Variants in ADAR observed in about 807,000 individuals in gnomAD.
The protein encoded by ADAR is adenosine deaminase RNA specific.
A neutral mutation model predicts 113.2 loss-of-function variants in ADAR; 41 were observed. That is an observed-to-expected ratio of 0.36 (90% confidence interval 0.28 to 0.47). The LOEUF (loss-of-function observed/expected upper bound fraction) is 0.47. ADAR is among the 20% of genes least tolerant of loss of function. The pLI is 1.00. For missense variants in ADAR, 1,242 were observed against 1,540.9 expected, an observed-to-expected ratio of 0.81 and a Z score of 3.25; for synonymous variants, 605 against 572.6, an observed-to-expected ratio of 1.06 and a Z score of -0.81.
chr1:154,602,009 T>C lies in ADAR; in HGVS notation c.633A>G (p.Val211=), dbSNP rs1697913653. 2 of 1,614,246 alleles carry C rather than the reference T, an allele frequency of 1.2e-6. No individual in the cohort carries two copies. The highest frequency in any genetic ancestry group is 1.7e-6 in the Non-Finnish European group (2 of 1,180,040). Residue 211 remains valine (V), a synonymous_variant, in exon 2 of 15, where the codon GTA becomes GTG. Transcript: ENST00000368474. The part of the protein sequence containing the change: ...TQAWNQHSGV[V]RPDGHSQGAP... ...CTCCTTGGCTATGACCGTCTGGTCT[T>C]ACCACTCCGCTGTGCTGGTTCCAAG...
chr1:154,614,028 G>C (rs1036740054), intron 1 of ADAR, among the ~76,000 whole-genome samples: 9 of 151,948 alleles, frequency 5.9e-5, no homozygotes, highest in African/African-American at 1.9e-4. Flanking sequence ...AAAAAAAGTG[G>C]TATTTATCAA....
rs1434124575 is a variant in ADAR at position 154,602,592 on chromosome 1, A to C, written c.50T>G (p.Phe17Cys). Residue 17 changes from phenylalanine (F) to cysteine (C), a missense_variant, in exon 2 of 15, where the codon TTT becomes TGT. Phe to Cys is a radical substitution (Grantham distance 205). Around this residue, in one of 2 missense-constraint regions of ADAR, gnomAD observed 462 missense variants for 483.1 expected, o/e 0.96. Transcript: ENST00000368474. ...YSLSGYYTHP[F>C]QGYEHRQLRY... ...GAGCTGTCTGTGCTCATAGCCTTGA[A>C]ATGGATGGGTGTAGTATCCGCTGAG... 1 of 1,614,178 alleles carries C rather than the reference A, an allele frequency of 6.2e-7. No homozygotes were observed.
chr1:154,590,331 T>C lies in ADAR; in HGVS notation c.2349A>G (p.Glu783=), dbSNP rs77988942. The change falls in exon 7 of 15, where the codon GAA becomes GAG. Residue 783 remains glutamate, a synonymous_variant. Coordinates refer to ENST00000368474, the MANE Select transcript of ADAR (RefSeq NM_001111.5). ...AGACACGGAGAGCCGCATCTGCTGCTTCCTGCTTGCCTTGCTTCTTGCTGT... is the reference window on the plus strand; with the variant it reads ...AGACACGGAGAGCCGCATCTGCTGCCTCCTGCTTGCCTTGCTTCTTGCTGT... ...CAHSKKQGKQ[E]AADAALRVLI... 6.1e-5 allele frequency: 98 copies of C among 1,614,130 alleles called. No homozygotes were observed. In the African/African-American group the frequency reaches 1.2e-3, roughly 20 times the overall value.
chr1:154,614,976 T>C (rs753892361), intron 1 of ADAR, among the ~76,000 whole-genome samples: 15 of 152,192 alleles, frequency 9.9e-5, no homozygotes, highest in Non-Finnish European at 1.5e-4. Context: ...GAAAAGGCCA[T>C]GTGAAGACAG....
At chr1:154,591,692 C>T (rs1697157519) in intron 6 of ADAR, among the ~76,000 whole-genome samples, 1 of 152,252 alleles carries the variant, frequency 6.6e-6, no homozygotes, top group South Asian at 2.1e-4. Context: ...GCTTTGGATA[C>T]TCTAACTGCA....
rs1698327018 is a variant in ADAR, at chr1:154,608,147, T to C, written c.-141A>G. 1 of 1,087,554 alleles carries C rather than the reference T, an allele frequency of 9.2e-7. No individual in the cohort carries two copies. Among genetic ancestry groups the C allele is most frequent in the Non-Finnish European group, 1.2e-6 (1 of 800,268 alleles). 67.4% of individuals were successfully genotyped at this position (1,087,554 alleles called of 1,614,324 possible). ...GCCCCGGGGCGTCGGCACGGGAAAC[T>C]CCGCGGGTCTGCGCGCCGGGCCCAA... On this transcript the variant is annotated 5_prime_UTR_variant, in exon 1 of 15. Transcript: ENST00000368474.
chr1:154,584,811 C>T lies in ADAR; in HGVS notation c.3676G>A (p.Val1226Ile). ...CCATCTGTCACTGGAGCATACTATA[C>T]TGGGCAGAGATAAAAGTTCTTTTCC... The part of the protein sequence containing the change: ...QEEKNFYLCP[V>I] Residue 1226 changes from valine (V) to isoleucine (I), a missense_variant, in exon 15 of 15, where the codon GTA becomes ATA. Transcript: ENST00000368474. The T allele has an allele frequency of 6.2e-7, 1 of 1,612,840 alleles. No individual in the cohort carries two copies. The highest frequency in any genetic ancestry group is 1.3e-5 in the African/African-American group (1 of 75,018).
intron 1 of ADAR, chr1:154,605,900 T>A (rs1698162845): frequency 1.2e-6 from 1 of 814,642 alleles, no homozygotes; most frequent in African/African-American, 1.9e-5. Flanking sequence ...AAAAGCTAAA[T>A]GTTTTTTAAA....
intron 4 of ADAR, among the ~76,000 whole-genome samples, 159 bp downstream of exon 4, chr1:154,597,669 T>C (rs1697590284): frequency 6.6e-6 from 1 of 152,194 alleles, no homozygotes; most frequent in Admixed American, 6.5e-5. Context: ...CCTAATTGTC[T>C]GCCTCACAAG....
intron 10 of ADAR, 31 bp from the exon 11 acceptor site, chr1:154,588,289 C>A: frequency 6.2e-7 from 1 of 1,610,480 alleles, no homozygotes. Flanking sequence ...TTAAAACTCA[C>A]CTGTGGGAAA....
At chr1:154,607,562 G>A (rs1318585854) in intron 1 of ADAR, among the ~76,000 whole-genome samples, 1 of 152,170 alleles carries the variant, frequency 6.6e-6, no homozygotes, top group African/African-American at 2.4e-5. Context: ...CTAGCAGAAA[G>A]GGAGACGATG....
intron 1 of ADAR, among the ~76,000 whole-genome samples, chr1:154,618,789 A>C (rs748671716): frequency 1.3e-5 from 2 of 152,198 alleles, no homozygotes; most frequent in Non-Finnish European, 2.9e-5. Context: ...GTATTGACAG[A>C]CTAAGTGTAA....
Position 154,608,078 on chromosome 1 carries a change from G to A in ADAR, c.-72C>T. ...CTGGCCCGACCGCTGGGCCGCGCCAGCCCCTCGAGGCCCCCACGCCTCCGC... is the reference window on the plus strand; with the variant it reads ...CTGGCCCGACCGCTGGGCCGCGCCAACCCCTCGAGGCCCCCACGCCTCCGC... On this transcript the variant is annotated 5_prime_UTR_variant, in exon 1 of 15. Transcript: ENST00000368474. 1 of 1,480,092 alleles carries A rather than the reference G, an allele frequency of 6.8e-7. No individual in the cohort carries two copies. Among genetic ancestry groups the A allele is most frequent in the South Asian group, 1.4e-5 (1 of 73,128 alleles). The allele number at this position is 1,480,092 out of a possible 1,614,324, so 91.7% of individuals were successfully genotyped here. A position where few individuals can be genotyped will look rare whatever the true frequency, so the allele number is the denominator to read the frequency against.
chr1:154,592,172 T>G (rs901369364), intron 6 of ADAR, among the ~76,000 whole-genome samples: 1 of 152,212 alleles, frequency 6.6e-6, no homozygotes, highest in African/African-American at 2.4e-5. Context: ...AGCTCTGCGC[T>G]TCTCCCACCA....
chr1:154,608,049 G>C lies in ADAR; in HGVS notation c.-43C>G, dbSNP rs1698320224. On this transcript the variant is annotated 5_prime_UTR_variant, in exon 1 of 15. Coordinates refer to ENST00000368474, the MANE Select transcript of ADAR (RefSeq NM_001111.5). ...GCCCGGCCCGACCCGCCGGCGGCAC[G>C]ACCCTGGCCCGACCGCTGGGCCGCG... is the stretch of plus-strand genomic sequence containing the variant. 4.5e-6 allele frequency: 7 copies of C among 1,554,624 alleles called. No individual in the cohort carries two copies. Among genetic ancestry groups the C allele is most frequent in the Non-Finnish European group, 6.1e-6 (7 of 1,149,650 alleles).
chr1:154,618,471 T>C (rs1000956098), intron 1 of ADAR, among the ~76,000 whole-genome samples: 3 of 152,228 alleles, frequency 2.0e-5, no homozygotes, highest in Admixed American at 2.0e-4. Context: ...GGTCATTGGA[T>C]GGGAATAAAT....
chr1:154,598,634 T>C (rs1557882287), intron 2 of ADAR, 49 bp from the exon 3 acceptor site: 3 of 1,588,336 alleles, frequency 1.9e-6, no homozygotes, highest in Middle Eastern at 3.3e-4. Context: ...GGTCACTCCT[T>C]CTGCCTTCTC....
upstream of ADAR, among the ~76,000 whole-genome samples, chr1:154,612,533 T>C (rs191217205): frequency 1.3e-5 from 2 of 152,004 alleles, no homozygotes; most frequent in East Asian, 3.9e-4. Context: ...TTCACTGTGT[T>C]AGCCAGGATG....
At chr1:154,610,537 G>A (rs1185643428), upstream of ADAR, among the ~76,000 whole-genome samples, 1 of 152,148 alleles carries the variant, frequency 6.6e-6, no homozygotes, top group African/African-American at 2.4e-5. Context: ...GAGGCCGGGC[G>A]CAGTGGCTCA....
Sources: allele counts gnomAD v4.1 joint callset (sites outside exome capture counted in the v4.1 genomes callset), GRCh38; gene constraint gnomAD v4.1.1; regional missense constraint gnomAD v4.1.1; transcripts MANE v1.5; gene names NCBI Gene and HGNC (gene_info 2026-07-23, HGNC 2026-07-21).